POLR3H: variants seen among roughly 807,000 people sequenced by gnomAD.
POLR3H encodes RNA polymerase III subunit H.
A neutral mutation model predicts 25.5 loss-of-function variants in POLR3H; 17 were observed. That is an observed-to-expected ratio of 0.67 (90% CI 0.46 to 1.00). The LOEUF is 1.00. Among genes scored for constraint, POLR3H ranks in the 50% least tolerant of loss-of-function variants. The probability of loss-of-function intolerance (pLI) is 0.00; values close to 1 mark genes in which losing one functional copy is unlikely to be tolerated. For synonymous variants in POLR3H, 129 were observed against 103.0 expected, an observed-to-expected ratio of 1.25 and a Z score of -1.53; for missense variants, 274 against 265.0, an observed-to-expected ratio of 1.03 and a Z score of -0.24.
Position 41,526,595 on chromosome 22 carries a change from G to A in POLR3H, c.*2688C>T. ...GGGGACTGCTGTGGAAGGGAGGAGA[G>A]GCCTGCAGCCCCTCCCTGTGGCTGA... On this transcript the variant is annotated 3_prime_UTR_variant, in exon 6 of 6. Transcript: ENST00000355209. 1 of 900,168 alleles carries A rather than the reference G, an allele frequency of 1.1e-6. No homozygotes were observed. Among genetic ancestry groups the A allele is most frequent in the South Asian group, 2.0e-5 (1 of 50,650 alleles). The allele number at this position is 900,168 out of a possible 1,614,324, so 55.8% of individuals were successfully genotyped here.
intron 2 of POLR3H, among the ~76,000 whole-genome samples, chr22:41,534,801 T>C (rs1205236474): frequency 6.7e-6 from 1 of 150,164 alleles, no homozygotes; most frequent in Non-Finnish European, 1.5e-5. Flanking sequence ...GGCTGAGGCA[T>C]GAGAATTGCT....
rs2066615436 is a variant in POLR3H at position 41,527,089 on chromosome 22, C to T, written c.*2194G>A. ...TGCAAACAACCACGTGCCTCTGTCC[C>T]CTCGGGGCCTCGTTTGGGTCTCATT... On this transcript the variant is annotated 3_prime_UTR_variant, in exon 6 of 6. Coordinates refer to ENST00000355209, the MANE Select transcript of POLR3H (RefSeq NM_001018050.4). 2 of 719,756 alleles carry T rather than the reference C, an allele frequency of 2.8e-6. No homozygotes were observed. The highest frequency in any genetic ancestry group is 1.9e-5 in the South Asian group (1 of 53,184). The allele number at this position is 719,756 out of a possible 1,614,324, so 44.6% of individuals were successfully genotyped here.
intron 2 of POLR3H, among the ~76,000 whole-genome samples, chr22:41,535,063 T>C (rs1450902158): frequency 6.6e-6 from 1 of 152,144 alleles, no homozygotes; most frequent in African/African-American, 2.4e-5. Context: ...ATTCCTATAG[T>C]TCCTCCAAAC....
chr22:41,528,103 C>T lies in POLR3H; in HGVS notation c.*1180G>A. The T allele has an allele frequency of 6.3e-7, 1 of 1,589,040 alleles. No individual in the cohort carries two copies. The highest frequency in any genetic ancestry group is 1.1e-5 in the South Asian group (1 of 89,074). On this transcript the variant is annotated 3_prime_UTR_variant, in exon 6 of 6. Transcript: ENST00000355209. ...CCCTCCTGCACTGGCCCCAGGGTAG[C>T]TTCTCCCAGGAGGCTTCATTCCAGC... is the stretch of plus-strand genomic sequence containing the variant.
chr22:41,531,817 TCCC>T, intron 4 of POLR3H, among the ~76,000 whole-genome samples: 1 of 152,162 alleles, frequency 6.6e-6, no homozygotes, highest in South Asian at 2.1e-4. Flanking sequence ...GTGAATGGTG[TCCC>T]CCAGGACACC....
rs115600135 is a variant in POLR3H, at chr22:41,540,069, G to C, written c.208+630C>G. 1,515 of 178,406 alleles carry C rather than the reference G, an allele frequency of 8.5e-3. 20 individuals are homozygous for C. The highest frequency in any genetic ancestry group is 0.033 in the African/African-American group (1,367 of 42,056). 11.1% of individuals were successfully genotyped at this position (178,406 alleles called of 1,614,324 possible). On this transcript the variant is annotated intron_variant, in intron 2 of 5. Coordinates refer to ENST00000355209, the MANE Select transcript of POLR3H (RefSeq NM_001018050.4). ...TGACAGATAAGGAAGCAGAGGCACA[G>C]AGCAATGACATATTCAGCCAGGACA...
Position 41,526,972 on chromosome 22 carries a change from G to C in POLR3H, c.*2311C>G. 1 of 453,040 alleles carries C rather than the reference G, an allele frequency of 2.2e-6. No individual in the cohort carries two copies. The highest frequency in any genetic ancestry group is 4.0e-6 in the Non-Finnish European group (1 of 251,270). 28.1% of individuals were successfully genotyped at this position (453,040 alleles called of 1,614,324 possible). On this transcript the variant is annotated 3_prime_UTR_variant, in exon 6 of 6. Transcript: ENST00000355209. ...AGCTTCACAGATGCATCTTGTGTGG[G>C]GCCCGGAGGCCGTCCCTGTCTCACC...
At chr22:41,530,047 GC>G (rs1313929608) in intron 5 of POLR3H, among the ~76,000 whole-genome samples, 2 of 151,108 alleles carry the variant, frequency 1.3e-5, no homozygotes. Context: ...GAGCCACTGT[GC>G]CCCAGCAGCC....
chr22:41,532,131 G>C lies in POLR3H; in HGVS notation c.322C>G (p.Leu108Val). Residue 108 changes from leucine (L) to valine (V), a missense_variant, in exon 4 of 6, where the codon CTC becomes GTC. Physicochemically the swap from Leu to Val is conservative, Grantham distance 32. Transcript: ENST00000355209. ...HVSLGFFDDI[L>V]IPPESLQQPA... ...TGCTGCAGTGACTCTGGGGGGATGAGAATGTCATCGAAGAAGCCTAGAGAG... is the reference window on the plus strand; with the variant it reads ...TGCTGCAGTGACTCTGGGGGGATGACAATGTCATCGAAGAAGCCTAGAGAG... 1 of 1,614,122 alleles carries C rather than the reference G, an allele frequency of 6.2e-7. No homozygotes were observed. Among genetic ancestry groups the C allele is most frequent in the South Asian group, 1.1e-5 (1 of 91,080 alleles).
Position 41,527,837 on chromosome 22 carries a change from T to G in POLR3H, c.*1446A>C, listed in dbSNP as rs1166574725. 5.6e-6 allele frequency: 9 copies of G among 1,611,928 alleles called. No individual in the cohort carries two copies. The highest frequency in any genetic ancestry group is 1.7e-5 in the Admixed American group (1 of 59,876). ...GGCATCTCCCAGAGCCCCAGATGGG[T>G]TCAGAAAATGAAGCTCTCCAGGCTA... On this transcript the variant is annotated 3_prime_UTR_variant, in exon 6 of 6. Transcript: ENST00000355209.
At chr22:41,534,607 T>C (rs1288749787) in intron 2 of POLR3H, among the ~76,000 whole-genome samples, 2 of 151,972 alleles carry the variant, frequency 1.3e-5, no homozygotes, top group African/African-American at 2.4e-5. Flanking sequence ...CGCTGTGGAA[T>C]GGCCCCGCGC....
rs2066589671 is a variant in POLR3H at position 41,526,135 on chromosome 22, TTGCC to T, written c.*3144_*3147del. On this transcript the variant is annotated 3_prime_UTR_variant, in exon 6 of 6. Coordinates refer to ENST00000355209, the MANE Select transcript of POLR3H (RefSeq NM_001018050.4). ...GACCACAGAACACGTGTCTGAAGAC[TTGCC>T]TGCCTCTCACCCCTCTGTCACCCCT... The T allele has an allele frequency of 2.6e-6, 2 of 766,162 alleles. No individual in the cohort carries two copies. The highest frequency in any genetic ancestry group is 4.2e-6 in the Non-Finnish European group (2 of 472,466). 47.5% of individuals were successfully genotyped at this position (766,162 alleles called of 1,614,324 possible).
At chr22:41,543,616 G>A (rs1431047467) in intron 1 of POLR3H, 2 of 374,406 alleles carry the variant, frequency 5.3e-6, no homozygotes, top group South Asian at 2.1e-5. Context: ...GCAAGACTCC[G>A]TCTCAAAAAC....
At chr22:41,530,597 C>T in intron 5 of POLR3H, 90 bp downstream of exon 5, 4 of 1,254,924 alleles carry the variant, frequency 3.2e-6, no homozygotes, top group Non-Finnish European at 3.3e-6. Context: ...TGGGGGAGAT[C>T]CCAGAGCAGA....
At chr22:41,543,042 T>C (rs1318267081) in intron 1 of POLR3H, among the ~76,000 whole-genome samples, 1 of 152,030 alleles carries the variant, frequency 6.6e-6, no homozygotes, top group Middle Eastern at 3.2e-3. Flanking sequence ...ATGGGACATC[T>C]ACTCCCGCCA....
intron 2 of POLR3H, among the ~76,000 whole-genome samples, chr22:41,537,029 A>G (rs1437574469): frequency 1.3e-5 from 2 of 152,114 alleles, no homozygotes; most frequent in East Asian, 1.9e-4. Flanking sequence ...CTCTAGACTG[A>G]GAGCAGGGCC....
Position 41,526,685 on chromosome 22 carries a change from A to T in POLR3H, c.*2598T>A. On this transcript the variant is annotated 3_prime_UTR_variant, in exon 6 of 6. Transcript: ENST00000355209. ...CTGCACCAGGAGGAGTTAGTGAGAG[A>T]TATCTTAGGATATCTGGCCCTAGAC... 2 of 483,452 alleles carry T rather than the reference A, an allele frequency of 4.1e-6. No homozygotes were observed. The highest frequency in any genetic ancestry group is 7.4e-6 in the Non-Finnish European group (2 of 271,546). 29.9% of individuals were successfully genotyped at this position (483,452 alleles called of 1,614,324 possible). A position where few individuals can be genotyped will look rare whatever the true frequency, so the allele number is the denominator to read the frequency against.
At position 41,538,069 on chromosome 22, in the gene POLR3H, G is replaced by A. The variant is rs540216730; in HGVS notation, c.208+2630C>T. On this transcript the variant is annotated intron_variant, in intron 2 of 5. Coordinates refer to ENST00000355209, the MANE Select transcript of POLR3H (RefSeq NM_001018050.4). ...CAACCTCTGCCTCCTGGGTTCAAGC[G>A]ATTCTCCTGCCTCAGCCTCCGGAGT... 5.2e-3 allele frequency among the ~76,000 whole-genome samples: 779 copies of A among 150,646 alleles called. 7 individuals carry two copies. The highest frequency in any genetic ancestry group is 0.021 in the Middle Eastern group (6 of 288).
chr22:41,527,460 C>T lies in POLR3H; in HGVS notation c.*1823G>A, dbSNP rs978863282. 1 of 1,574,614 alleles carries T rather than the reference C, an allele frequency of 6.4e-7. No homozygotes were observed. The highest frequency in any genetic ancestry group is 1.3e-5 in the African/African-American group (1 of 74,390). On this transcript the variant is annotated 3_prime_UTR_variant, in exon 6 of 6. Transcript: ENST00000355209. ...GTACCCAGGCCATCCTCATCCCATC[C>T]CTAGTGATCAAGGTCACTCTCCCTG...
Sources: allele counts gnomAD v4.1 joint callset (sites outside exome capture counted in the v4.1 genomes callset), GRCh38; gene constraint gnomAD v4.1.1; transcripts MANE v1.5; gene names NCBI Gene and HGNC (gene_info 2026-07-23, HGNC 2026-07-21).